TRDN: variants seen among roughly 807,000 people sequenced by gnomAD.
The protein encoded by TRDN is triadin in skeletal muscle.
In TRDN, 161 loss-of-function variants were observed where a neutral mutation model predicts 149.7. The observed-to-expected ratio is 1.08, with a 90% CI of 0.95 to 1.23. The LOEUF is 1.23. Ranked by LOEUF, TRDN falls within the 50% of genes most tolerant of loss-of-function variation. TRDN has a pLI of 0.00. For synonymous variants in TRDN, 294 were observed against 250.5 expected (o/e 1.17, Z -1.64); for missense variants, 896 against 823.5 (o/e 1.09, Z -1.08).
chr6:123,618,173 G>A (rs1785197990), intron 1 of TRDN, among the ~76,000 whole-genome samples: 1 of 152,066 alleles, frequency 6.6e-6, no homozygotes, highest in Non-Finnish European at 1.5e-5. Context: ...CCATAACATA[G>A]TACCACAAAT....
intron 5 of TRDN, among the ~76,000 whole-genome samples, chr6:123,518,108 G>C (rs1396445211): frequency 2.0e-5 from 3 of 152,004 alleles, no homozygotes; most frequent in Non-Finnish European, 4.4e-5. Flanking sequence ...GACACTGCTT[G>C]CTTCCAATTA....
chr6:123,366,535 T>A (rs952868082), intron 19 of TRDN, among the ~76,000 whole-genome samples: 5 of 152,098 alleles, frequency 3.3e-5, no homozygotes, highest in East Asian at 1.9e-4. Flanking sequence ...TTTTTTTTTT[T>A]AAACGGAGAT....
chr6:123,591,639 C>T (rs777640987), intron 1 of TRDN, among the ~76,000 whole-genome samples: 3 of 152,008 alleles, frequency 2.0e-5, no homozygotes, highest in East Asian at 1.9e-4. Context: ...ACACATCTCA[C>T]GAAGGAAATA....
intron 2 of TRDN, among the ~76,000 whole-genome samples, chr6:123,561,426 A>AC (rs1307098315): frequency 3.3e-5 from 5 of 152,152 alleles, no homozygotes; most frequent in Non-Finnish European, 7.3e-5. Flanking sequence ...TCGGAATGCT[A>AC]CAGGGTACAG....
At chr6:123,259,501 T>A (rs763644822) in intron 35 of TRDN, 123 bp downstream of exon 35, 1 of 652,180 alleles carries the variant, frequency 1.5e-6, no homozygotes, top group Non-Finnish European at 2.7e-6. Context: ...TGATATGTGC[T>A]ATAAAATCAG....
In TRDN at chr6:123,230,252, C is replaced by T. The variant is rs189627229; in HGVS notation, c.1976-6121G>A. 5.8e-4 allele frequency among the ~76,000 whole-genome samples: 88 copies of T among 151,986 alleles called. 1 individual carries two copies. In the Middle Eastern group the frequency reaches 0.034, roughly 59 times the overall value. On this transcript the variant is annotated intron_variant, in intron 38 of 40. Coordinates refer to ENST00000334268, the MANE Select transcript of TRDN (RefSeq NM_006073.4). ...GTCGTTTGTAGGGACATGGATGAAC[C>T]TGGAAACCATCATTCTCAGCAAACT...
At position 123,438,063 on chromosome 6, in the gene TRDN, C is replaced by CT. The variant is rs753514580; in HGVS notation, c.1050dup (p.Glu351ArgfsTer7). ...TAAGGAAACAAAGAAAGTGCAATAC[C>CT]TTTTTTTTCCACATCAATGGCAGTT... On this transcript the variant is annotated frameshift_variant and splice_region_variant, in exon 12 of 41. Coordinates refer to ENST00000334268, the MANE Select transcript of TRDN (RefSeq NM_006073.4). LOFTEE classifies it high-confidence loss of function. The CT allele has an allele frequency of 2.6e-5, 42 of 1,593,820 alleles. No individual in the cohort carries two copies. Among genetic ancestry groups the CT allele is most frequent in the Admixed American group, 1.4e-4 (8 of 56,516 alleles).
chr6:123,554,887 G>A (rs1583235197), intron 2 of TRDN, among the ~76,000 whole-genome samples: 2 of 152,292 alleles, frequency 1.3e-5, no homozygotes, highest in East Asian at 3.9e-4. Context: ...TTGGGCTCAA[G>A]GTCTGGCATT....
At chr6:123,568,274 G>A (rs928693659) in intron 2 of TRDN, among the ~76,000 whole-genome samples, 2 of 152,228 alleles carry the variant, frequency 1.3e-5, no homozygotes, top group African/African-American at 4.8e-5. Flanking sequence ...AGCCCTGGAG[G>A]CTGCTCTCAC....
At chr6:123,491,543 T>A (rs996709188) in intron 9 of TRDN, among the ~76,000 whole-genome samples, 14 of 152,278 alleles carry the variant, frequency 9.2e-5, no homozygotes, top group African/African-American at 3.1e-4. Flanking sequence ...ACTAAATAAT[T>A]TTTTTTAATA....
At chr6:123,501,757 G>T in intron 8 of TRDN, 1 of 728,522 alleles carries the variant, frequency 1.4e-6, no homozygotes, top group Non-Finnish European at 1.7e-6. Context: ...AACTCTAAAT[G>T]ATATTTGAAT....
At chr6:123,563,829 A>G (rs1359600760) in intron 2 of TRDN, among the ~76,000 whole-genome samples, 2 of 152,084 alleles carry the variant, frequency 1.3e-5, no homozygotes, top group Non-Finnish European at 2.9e-5. Flanking sequence ...TGTTTTTAAG[A>G]TAGGGTCTCA....
At chr6:123,447,705 C>A (rs922999762) in intron 10 of TRDN, among the ~76,000 whole-genome samples, 34 of 151,590 alleles carry the variant, frequency 2.2e-4, no homozygotes, top group African/African-American at 8.3e-4. Context: ...AGATACCATA[C>A]TACAGGCAGT....
At chr6:123,343,727 A>C (rs1780148979) in intron 21 of TRDN, among the ~76,000 whole-genome samples, 1 of 151,992 alleles carries the variant, frequency 6.6e-6, no homozygotes, top group East Asian at 1.9e-4. Context: ...TGTACCCTGA[A>C]ACTTAAAGTA....
At chr6:123,384,473 T>C (rs1781834384) in intron 14 of TRDN, among the ~76,000 whole-genome samples, 1 of 152,102 alleles carries the variant, frequency 6.6e-6, no homozygotes, top group Admixed American at 6.6e-5. Flanking sequence ...GGGGGAAATG[T>C]GGGAACACAG....
intron 38 of TRDN, among the ~76,000 whole-genome samples, chr6:123,237,750 G>A (rs937046721): frequency 5.3e-5 from 8 of 152,228 alleles, no homozygotes; most frequent in African/African-American, 1.9e-4. Flanking sequence ...AATGGTTATG[G>A]ATTCCTCAAG....
chr6:123,533,931 T>G (rs1370707838), intron 4 of TRDN, among the ~76,000 whole-genome samples: 1 of 152,162 alleles, frequency 6.6e-6, no homozygotes, highest in South Asian at 2.1e-4. Context: ...CAGTTATTTT[T>G]TACTCTATGG....
intron 21 of TRDN, among the ~76,000 whole-genome samples, chr6:123,347,544 T>A (rs1244019715): frequency 1.3e-5 from 2 of 152,072 alleles, no homozygotes; most frequent in Non-Finnish European, 2.9e-5. Flanking sequence ...ATGTAAAGTA[T>A]CAGCAAAACT....
At chr6:123,258,552 G>A (rs1776643387) in intron 35 of TRDN, among the ~76,000 whole-genome samples, 1 of 152,106 alleles carries the variant, frequency 6.6e-6, no homozygotes, top group South Asian at 2.1e-4. Flanking sequence ...TTTTATTGAG[G>A]ATTTTCGCAT....
Sources: gnomAD v4.1 joint callset for allele counts (sites outside exome capture counted in the v4.1 genomes callset) on GRCh38, gnomAD v4.1.1 for gene constraint, MANE v1.5 for transcripts, NCBI Gene and HGNC (gene_info 2026-07-23, HGNC 2026-07-21) for gene names.